ST6GALNAC3: variants seen among roughly 807,000 people sequenced by gnomAD.
ST6GALNAC3 encodes the protein alpha-N-acetylgalactosaminide alpha-2,6-sialyltransferase 3.
In ST6GALNAC3, 25 loss-of-function variants were observed where a neutral mutation model predicts 32.7. The observed-to-expected ratio is 0.76, with a 90% CI of 0.56 to 1.07. The LOEUF is 1.07. ST6GALNAC3 is among the 50% of genes least tolerant of loss of function. The pLI is 0.00. For synonymous variants in ST6GALNAC3, 129 were observed against 133.1 expected, an observed-to-expected ratio of 0.97 and a Z score of 0.21; for missense variants, 355 against 382.4, an observed-to-expected ratio of 0.93 and a Z score of 0.60.
At chr1:76,209,416 T>C (rs1321947077) in intron 1 of ST6GALNAC3, among the ~76,000 whole-genome samples, 1 of 152,182 alleles carries the variant, frequency 6.6e-6, no homozygotes, top group Admixed American at 6.5e-5. Flanking sequence ...GCCAAGGGTG[T>C]ACTGAATGCC....
chr1:76,088,730 A>C (rs1277520804), intron 1 of ST6GALNAC3, among the ~76,000 whole-genome samples: 1 of 152,118 alleles, frequency 6.6e-6, no homozygotes, highest in African/African-American at 2.4e-5. Context: ...AAAGGATCAC[A>C]AAAAAAACTA....
chr1:76,082,087 T>C (rs1646903883), intron 1 of ST6GALNAC3, among the ~76,000 whole-genome samples: 1 of 152,254 alleles, frequency 6.6e-6, no homozygotes, highest in South Asian at 2.1e-4. Flanking sequence ...TTAAGCTTTC[T>C]AGTAAACGAC....
At chr1:76,251,376 T>G (rs1205479538) in intron 1 of ST6GALNAC3, among the ~76,000 whole-genome samples, 1 of 152,194 alleles carries the variant, frequency 6.6e-6, no homozygotes, top group African/African-American at 2.4e-5. Flanking sequence ...CAGTTCTTTT[T>G]TCACACATCT....
At chr1:76,374,099 A>G (rs1651033238) in intron 2 of ST6GALNAC3, among the ~76,000 whole-genome samples, 1 of 152,226 alleles carries the variant, frequency 6.6e-6, no homozygotes, top group South Asian at 2.1e-4. Context: ...GCAGTGAGCC[A>G]AGGTAAAAGA....
At chr1:76,472,715 C>T (rs1289818917) in intron 3 of ST6GALNAC3, among the ~76,000 whole-genome samples, 1 of 152,046 alleles carries the variant, frequency 6.6e-6, no homozygotes, top group African/African-American at 2.4e-5. Flanking sequence ...TAGAACAATG[C>T]CAGTTTCATT....
chr1:76,577,093 T>A (rs577043857), intron 3 of ST6GALNAC3: 1 of 1,080,628 alleles, frequency 9.3e-7, no homozygotes, highest in African/African-American at 1.6e-5. Flanking sequence ...TTACAGTTTT[T>A]AAAAAGGAAG....
At chr1:76,233,666 C>T (rs576914755) in intron 1 of ST6GALNAC3, among the ~76,000 whole-genome samples, 1 of 152,182 alleles carries the variant, frequency 6.6e-6, no homozygotes, top group African/African-American at 2.4e-5. Context: ...AGAACTTCAT[C>T]TACAGTATAT....
At chr1:76,405,254 C>T (rs10218698) in intron 2 of ST6GALNAC3, among the ~76,000 whole-genome samples, 65,196 of 151,916 alleles carry the variant, frequency 0.43, 15,207 homozygotes, top group African/African-American at 0.6. Context: ...TAACTAGAAC[C>T]AGTTGACAGG....
intron 1 of ST6GALNAC3, among the ~76,000 whole-genome samples, chr1:76,159,697 G>A (rs1046968213): frequency 6.6e-6 from 1 of 152,190 alleles, no homozygotes; most frequent in Non-Finnish European, 1.5e-5. Context: ...ATATGTTGGA[G>A]AAACCAGACA....
intron 3 of ST6GALNAC3, among the ~76,000 whole-genome samples, chr1:76,589,314 T>C (rs1163435654): frequency 1.3e-5 from 2 of 152,100 alleles, no homozygotes; most frequent in South Asian, 4.1e-4. Flanking sequence ...ATCATGCACT[T>C]TCCCAGGTTA....
intron 1 of ST6GALNAC3, among the ~76,000 whole-genome samples, chr1:76,265,782 G>T (rs910128482): frequency 6.6e-6 from 1 of 152,162 alleles, no homozygotes; most frequent in Non-Finnish European, 1.5e-5. Context: ...GGTCTAGAAC[G>T]TAGTATTTTT....
chr1:76,569,687 T>G (rs1275997301), intron 3 of ST6GALNAC3, among the ~76,000 whole-genome samples: 1 of 152,120 alleles, frequency 6.6e-6, no homozygotes, highest in East Asian at 1.9e-4. Flanking sequence ...GGGAATTTCT[T>G]CCTGCTTATT....
intron 3 of ST6GALNAC3, among the ~76,000 whole-genome samples, chr1:76,516,329 CT>C (rs1662172254): frequency 6.6e-6 from 1 of 151,994 alleles, no homozygotes; most frequent in African/African-American, 2.4e-5. Context: ...ACATTTCCTT[CT>C]TTTTTCTATT....
intron 1 of ST6GALNAC3, among the ~76,000 whole-genome samples, chr1:76,107,828 C>A (rs1201693989): frequency 6.6e-6 from 1 of 152,138 alleles, no homozygotes; most frequent in Non-Finnish European, 1.5e-5. Context: ...CTCTCTACAC[C>A]CAATGTACTT....
Position 76,628,832 on chromosome 1 carries a change from T to C in ST6GALNAC3, c.*26T>C. 6.2e-6 allele frequency: 10 copies of C among 1,605,934 alleles called. No homozygotes were observed. The highest frequency in any genetic ancestry group is 8.5e-6 in the Non-Finnish European group (10 of 1,176,948). The stretch of plus-strand genomic sequence containing the variant: ...TAATGGTTTTCCTGATCTTGCCGCA[T>C]CACTTAATGTGATCCCCATACTGCA... On this transcript the variant is annotated 3_prime_UTR_variant, in exon 5 of 5. Transcript: ENST00000328299.
In ST6GALNAC3 at chr1:76,248,442, T is replaced by C. The variant is rs528883196; in HGVS notation, c.19-65363T>C. ...TCTAAGGAAACTGAGAGCAGTTAGCTTCTTTGGTATGAGGAAAATGGGTTC... is the reference window on the plus strand; with the variant it reads ...TCTAAGGAAACTGAGAGCAGTTAGCCTCTTTGGTATGAGGAAAATGGGTTC... On this transcript the variant is annotated intron_variant, in intron 1 of 4. Transcript: ENST00000328299. Among the ~76,000 whole-genome samples the C allele has an allele frequency of 7.2e-5, 11 of 152,318 alleles. No homozygotes were observed. In the South Asian group the frequency reaches 2.1e-3, roughly 29 times the overall value.
At chr1:76,092,746 A>T (rs929321564) in intron 1 of ST6GALNAC3, among the ~76,000 whole-genome samples, 1 of 152,142 alleles carries the variant, frequency 6.6e-6, no homozygotes, top group Non-Finnish European at 1.5e-5. Context: ...GGGGCCTCAT[A>T]AATTATGTGG....
At chr1:76,304,625 G>A (rs1660931544) in intron 1 of ST6GALNAC3, among the ~76,000 whole-genome samples, 1 of 152,032 alleles carries the variant, frequency 6.6e-6, no homozygotes, top group African/African-American at 2.4e-5. Flanking sequence ...AGAGATGGGA[G>A]AGGAGACTTC....
intron 2 of ST6GALNAC3, among the ~76,000 whole-genome samples, chr1:76,346,000 A>G (rs1214963904): frequency 1.3e-5 from 2 of 150,352 alleles, no homozygotes; most frequent in Admixed American, 6.6e-5. Flanking sequence ...TCCCATGGCC[A>G]CCCCCTATAA....
Sources: gnomAD v4.1 joint callset for allele counts (sites outside exome capture counted in the v4.1 genomes callset) on GRCh38, gnomAD v4.1.1 for gene constraint, MANE v1.5 for transcripts, NCBI Gene and HGNC (gene_info 2026-07-23, HGNC 2026-07-21) for gene names.